SEMA3A: variants seen among roughly 807,000 people sequenced by gnomAD.
SEMA3A encodes semaphorin 3A.
In SEMA3A, 29 loss-of-function variants were observed where a neutral mutation model predicts 97.9. The ratio of observed to expected loss-of-function variants is 0.30; its 90% confidence interval spans 0.22 to 0.40. The LOEUF is 0.40. Among genes scored for constraint, SEMA3A ranks in the 10% least tolerant of loss-of-function variants. The pLI, the probability that SEMA3A is intolerant of heterozygous loss-of-function variation, is 1.00. For missense variants in SEMA3A, 763 were observed against 951.3 expected (o/e 0.80, Z 2.60); for synonymous variants, 321 against 323.7 (o/e 0.99, Z 0.09).
At chr7:84,391,759 C>T (rs1416519824) in intron 1 of SEMA3A, among the ~76,000 whole-genome samples, 2 of 151,946 alleles carry the variant, frequency 1.3e-5, no homozygotes, top group African/African-American at 4.8e-5. Flanking sequence ...ATTGCTGAGT[C>T]CAGGAGTTCA....
chr7:84,147,091 TA>T (rs1301104790), intron 1 of SEMA3A, among the ~76,000 whole-genome samples: 1 of 152,134 alleles, frequency 6.6e-6, no homozygotes, highest in Non-Finnish European at 1.5e-5. Flanking sequence ...ACGTGTTTTT[TA>T]AAAAAAGAAA....
intron 2 of SEMA3A, among the ~76,000 whole-genome samples, chr7:84,352,041 GA>G (rs35118818): frequency 0.032 from 4,358 of 134,814 alleles, 203 homozygotes; most frequent in African/African-American, 0.11. Flanking sequence ...GCAGCCATAA[GA>G]AAAAAAAAAA....
intron 1 of SEMA3A, among the ~76,000 whole-genome samples, chr7:84,165,137 G>T (rs1277991585): frequency 3.3e-5 from 5 of 152,134 alleles, no homozygotes; most frequent in African/African-American, 9.7e-5. Flanking sequence ...GAGCCTGGGA[G>T]TTGGAGGTTG....
chr7:84,302,889 A>G (rs1801054586), intron 3 of SEMA3A, among the ~76,000 whole-genome samples: 1 of 152,174 alleles, frequency 6.6e-6, no homozygotes, highest in African/African-American at 2.4e-5. Flanking sequence ...AAACACTGAG[A>G]TGATTTTTCT....
At position 84,021,166 on chromosome 7, in the gene SEMA3A, T is replaced by C. The variant is rs568229609; in HGVS notation, c.668-6815A>G. Among the ~76,000 whole-genome samples, 4 of 152,336 alleles carry C rather than the reference T, an allele frequency of 2.6e-5. No homozygotes were observed. In the South Asian group the frequency reaches 8.3e-4, roughly 32 times the overall value. On this transcript the variant is annotated intron_variant, in intron 6 of 16. Coordinates refer to ENST00000265362, the MANE Select transcript of SEMA3A (RefSeq NM_006080.3). ...TAATATGCATTAACTAACCTTGATATATCTTTCCACCAGAACTGACCACAG... is the reference window on the plus strand; with the variant it reads ...TAATATGCATTAACTAACCTTGATACATCTTTCCACCAGAACTGACCACAG...
At position 84,206,460 on chromosome 7, in the gene SEMA3A, C is replaced by G. The variant is rs1454893000; in HGVS notation, c.-82-11792G>C. ...GCCTCAGCCTCCCAAGTAGCTGGGA[C>G]TATAGGCGCTGCCACCACGCCTGGC... is the stretch of plus-strand genomic sequence containing the variant. On this transcript the variant is annotated intron_variant, in intron 3 of 3. Coordinates refer to the SEMA3A transcript ENST00000424555. 2.0e-5 allele frequency among the ~76,000 whole-genome samples: 3 copies of G among 151,650 alleles called. No homozygotes were observed. The East Asian group carries it at 5.9e-4, about 30-fold the overall frequency.
intron 1 of SEMA3A, among the ~76,000 whole-genome samples, chr7:84,139,663 T>C (rs924525845): frequency 6.6e-6 from 1 of 151,924 alleles, no homozygotes. Context: ...GCAGAAAAAA[T>C]CAACTTAAAT....
chr7:84,139,646 T>C (rs1796242315), intron 1 of SEMA3A, among the ~76,000 whole-genome samples: 1 of 152,092 alleles, frequency 6.6e-6, no homozygotes, highest in Non-Finnish European at 1.5e-5. Flanking sequence ...AGTGCATAGC[T>C]TGCGGGGCAG....
At chr7:84,166,059 G>A (rs1797195594) in intron 1 of SEMA3A, among the ~76,000 whole-genome samples, 1 of 151,654 alleles carries the variant, frequency 6.6e-6, no homozygotes, top group Non-Finnish European at 1.5e-5. Context: ...TATCACTTGA[G>A]CACAGGAGTT....
chr7:84,481,505 C>G (rs1806445424), intron 1 of SEMA3A, among the ~76,000 whole-genome samples: 1 of 152,250 alleles, frequency 6.6e-6, no homozygotes, highest in Non-Finnish European at 1.5e-5. Flanking sequence ...GAAAAAAGAT[C>G]TGGCATAAAC....
chr7:84,184,525 G>T (rs1797818956), intron 1 of SEMA3A, among the ~76,000 whole-genome samples: 1 of 152,094 alleles, frequency 6.6e-6, no homozygotes, highest in African/African-American at 2.4e-5. Context: ...GTTTTTGAAA[G>T]GATAGCATTA....
chr7:84,401,570 A>G (rs987497966), intron 1 of SEMA3A, among the ~76,000 whole-genome samples: 8 of 152,170 alleles, frequency 5.3e-5, no homozygotes, highest in African/African-American at 1.9e-4. Flanking sequence ...TGGCAAAGAG[A>G]ATAAAGCTGG....
intron 5 of SEMA3A, among the ~76,000 whole-genome samples, chr7:84,059,370 A>G (rs1000681760): frequency 2.6e-5 from 4 of 152,172 alleles, no homozygotes; most frequent in Admixed American, 6.5e-5. Flanking sequence ...AATAAGGATC[A>G]GTGAAACATG....
chr7:84,320,270 T>C (rs2115905165), intron 2 of SEMA3A, among the ~76,000 whole-genome samples: 1 of 152,282 alleles, frequency 6.6e-6, no homozygotes, highest in Admixed American at 6.5e-5. Context: ...CTCTGGGTAT[T>C]ATAATTTATT....
intron 3 of SEMA3A, among the ~76,000 whole-genome samples, 160 bp downstream of exon 3, chr7:84,128,963 T>C (rs1316438949): frequency 6.6e-6 from 1 of 152,116 alleles, no homozygotes; most frequent in African/African-American, 2.4e-5. Flanking sequence ...TTGCTTTTAG[T>C]ATTGGGTTCT....
intron 1 of SEMA3A, among the ~76,000 whole-genome samples, chr7:84,442,508 T>C (rs1042957699): frequency 2.0e-5 from 3 of 151,952 alleles, no homozygotes; most frequent in Non-Finnish European, 4.4e-5. Context: ...CTGAAACTTC[T>C]ACTACAAAAA....
At chr7:84,003,662 A>G (rs1442509595) in intron 11 of SEMA3A, among the ~76,000 whole-genome samples, 1 of 152,156 alleles carries the variant, frequency 6.6e-6, no homozygotes, top group East Asian at 1.9e-4. Flanking sequence ...ACAGTGAGTG[A>G]GAGACTTCTC....
chr7:84,371,113 T>G (rs80208972), intron 2 of SEMA3A, among the ~76,000 whole-genome samples: 2,067 of 151,828 alleles, frequency 0.014, 42 homozygotes, highest in African/African-American at 0.047. Flanking sequence ...GTCACATCAG[T>G]AGTTATTGAC....
At chr7:84,270,089 A>T (rs1490494594) in intron 3 of SEMA3A, among the ~76,000 whole-genome samples, 2 of 152,114 alleles carry the variant, frequency 1.3e-5, no homozygotes, top group Non-Finnish European at 2.9e-5. Context: ...CTGAGGTAAG[A>T]TCAGTTTTCA....
Sources: gnomAD v4.1 joint callset for allele counts (sites outside exome capture counted in the v4.1 genomes callset) on GRCh38, gnomAD v4.1.1 for gene constraint, MANE v1.5 for transcripts, NCBI Gene and HGNC (gene_info 2026-07-23, HGNC 2026-07-21) for gene names.